Variants in RALGAPA1 observed in about 807,000 individuals in gnomAD.
RALGAPA1 encodes the protein Ral GTPase activating protein catalytic subunit alpha 1, also known as ral GTPase-activating protein subunit alpha-1.
Under a neutral mutation model 269.6 loss-of-function variants are expected in RALGAPA1, and 52 were observed. The observed-to-expected ratio is 0.19, with a 90% CI of 0.15 to 0.24. The LOEUF is 0.24. Among genes scored for constraint, RALGAPA1 ranks in the 10% least tolerant of loss-of-function variants. RALGAPA1 has a pLI of 1.00. For missense variants in RALGAPA1, 1,917 were observed against 3,013.9 expected (o/e 0.64, Z 8.52); for synonymous variants, 817 against 1,008.3 (o/e 0.81, Z 3.60).
At chr14:35,705,526 T>A (rs1208529550) in intron 16 of RALGAPA1, among the ~76,000 whole-genome samples, 1 of 152,228 alleles carries the variant, frequency 6.6e-6, no homozygotes, top group Non-Finnish European at 1.5e-5. Context: ...CATTTCTTTT[T>A]ATCATGGAAT....
chr14:35,597,230 C>T (rs2058980307), intron 36 of RALGAPA1, among the ~76,000 whole-genome samples: 1 of 152,218 alleles, frequency 6.6e-6, no homozygotes. Context: ...TCAAAACACA[C>T]TACCAAGTTG....
chr14:35,604,649 A>C (rs974765489), intron 36 of RALGAPA1, among the ~76,000 whole-genome samples: 3 of 151,952 alleles, frequency 2.0e-5, no homozygotes, highest in Non-Finnish European at 4.4e-5. Context: ...AAAACTATTA[A>C]ATTGAAAACT....
At chr14:35,667,268 C>G (rs578124621) in intron 26 of RALGAPA1, among the ~76,000 whole-genome samples, 1 of 151,914 alleles carries the variant, frequency 6.6e-6, no homozygotes, top group Admixed American at 6.6e-5. Context: ...GGCATGGTGG[C>G]GCACCTGTAG....
intron 31 of RALGAPA1, among the ~76,000 whole-genome samples, chr14:35,645,031 A>C (rs890823034): frequency 1.9e-4 from 29 of 152,198 alleles, no homozygotes; most frequent in Admixed American, 1.3e-3. Context: ...TGGGTGGCTT[A>C]AACAAGAGAA....
intron 1 of RALGAPA1, among the ~76,000 whole-genome samples, chr14:35,779,197 C>T (rs547993430): frequency 1.3e-5 from 2 of 152,154 alleles, no homozygotes; most frequent in East Asian, 3.9e-4. Flanking sequence ...TCTAGTTTTC[C>T]CACAGAGTAG....
At position 35,633,669 on chromosome 14, in the gene RALGAPA1, A is replaced by G. The variant is rs555577501; in HGVS notation, c.5995+905T>C. On this transcript the variant is annotated intron_variant, in intron 33 of 41. Transcript: ENST00000680220. The stretch of plus-strand genomic sequence containing the variant: ...AAAACAGGCGGTAGCAATGGGCCAT[A>G]ATTTACCAACTCCTATAAAATACTA... Among the ~76,000 whole-genome samples the G allele has an allele frequency of 5.9e-5, 9 of 152,294 alleles. No individual in the cohort carries two copies. In the South Asian group the frequency reaches 1.7e-3, roughly 28 times the overall value.
intron 28 of RALGAPA1, among the ~76,000 whole-genome samples, chr14:35,657,377 A>G (rs2063248473): frequency 6.6e-6 from 1 of 151,396 alleles, no homozygotes; most frequent in South Asian, 2.1e-4. Flanking sequence ...TTTAGTAGAG[A>G]CGTGGTTTCA....
At position 35,566,817 on chromosome 14, in the gene RALGAPA1, C is replaced by A. The variant is rs1318280195; in HGVS notation, c.7496+3800G>T. Among the ~76,000 whole-genome samples, 4 of 149,764 alleles carry A rather than the reference C, an allele frequency of 2.7e-5. No homozygotes were observed. In the East Asian group the frequency reaches 5.8e-4, roughly 22 times the overall value. On this transcript the variant is annotated intron_variant, in intron 39 of 41. Coordinates refer to ENST00000680220, the MANE Select transcript of RALGAPA1 (RefSeq NM_001346249.2). Reference sequence around the variant, plus strand: ...GTTCATTTGAAAATCAAGTAATCCACCTGTATGAAGTCATTTCCCCCCAAC... The same window carrying A: ...GTTCATTTGAAAATCAAGTAATCCAACTGTATGAAGTCATTTCCCCCCAAC...
Position 35,629,720 on chromosome 14 carries a change from T to G in RALGAPA1, c.5996-1769A>C, listed in dbSNP as rs187461383. Among the ~76,000 whole-genome samples, 423 of 152,234 alleles carry G rather than the reference T, an allele frequency of 2.8e-3. 8 individuals are homozygous for G. The highest frequency in any genetic ancestry group is 0.025 in the Admixed American group (389 of 15,282). On this transcript the variant is annotated intron_variant, in intron 33 of 41. Coordinates refer to ENST00000680220, the MANE Select transcript of RALGAPA1 (RefSeq NM_001346249.2). ...TTCACCATATTGGCCAGGCTGGTCT[T>G]GAACTCTTGACCTTGTGATCCACCC...
intron 41 of RALGAPA1, among the ~76,000 whole-genome samples, chr14:35,546,642 T>C (rs938840509): frequency 6.6e-6 from 1 of 152,104 alleles, no homozygotes; most frequent in Non-Finnish European, 1.5e-5. Flanking sequence ...ATATCTAAAG[T>C]TGATTTTTCA....
At chr14:35,683,693 G>A (rs1199118752) in intron 21 of RALGAPA1, 116 bp downstream of exon 21, 1 of 796,306 alleles carries the variant, frequency 1.3e-6, no homozygotes, top group African/African-American at 1.7e-5. Flanking sequence ...AAAGATGAAT[G>A]AAAAAATATA....
intron 28 of RALGAPA1, 141 bp from the exon 29 acceptor site, chr14:35,656,056 C>A: frequency 1.4e-6 from 2 of 1,433,106 alleles, no homozygotes; most frequent in Non-Finnish European, 1.9e-6. Flanking sequence ...AACTGGTAAC[C>A]AAAGAAGAGA....
intron 36 of RALGAPA1, among the ~76,000 whole-genome samples, 161 bp from the exon 37 acceptor site, chr14:35,595,950 CT>C (rs572490054): frequency 6.6e-6 from 1 of 152,002 alleles, no homozygotes; most frequent in Non-Finnish European, 1.5e-5. Context: ...TTTGTTTGTA[CT>C]GGTACTTTTT....
At chr14:35,807,792 C>T (rs913090111) in intron 1 of RALGAPA1, 3 of 152,176 alleles carry the variant, frequency 2.0e-5, no homozygotes, top group African/African-American at 7.2e-5. Flanking sequence ...ATAAACATCA[C>T]TTTCCAAAAC....
chr14:35,547,908 TAC>T (rs1377193559), intron 41 of RALGAPA1, among the ~76,000 whole-genome samples: 44 of 152,256 alleles, frequency 2.9e-4, no homozygotes, highest in African/African-American at 9.4e-4. Flanking sequence ...AATTGAGAAT[TAC>T]AGTAACTTTT....
chr14:35,794,453 T>G (rs577050506), intron 1 of RALGAPA1, among the ~76,000 whole-genome samples: 2 of 152,234 alleles, frequency 1.3e-5, no homozygotes, highest in East Asian at 3.9e-4. Context: ...TTTTTTTTGT[T>G]TTCTTTTTGT....
intron 1 of RALGAPA1, among the ~76,000 whole-genome samples, chr14:35,800,568 G>C (rs1455623952): frequency 1.3e-5 from 2 of 152,174 alleles, no homozygotes; most frequent in Non-Finnish European, 2.9e-5. Context: ...AATATTCTAA[G>C]TTGTGAGATG....
chr14:35,719,670 A>C (rs2069188234), intron 16 of RALGAPA1, among the ~76,000 whole-genome samples: 1 of 152,180 alleles, frequency 6.6e-6, no homozygotes, highest in African/African-American at 2.4e-5. Context: ...TTACTTCTAT[A>C]ATCAGAAAAA....
chr14:35,612,828 G>T (rs919690814), intron 35 of RALGAPA1, among the ~76,000 whole-genome samples: 2 of 151,724 alleles, frequency 1.3e-5, no homozygotes, highest in Admixed American at 6.5e-5. Context: ...GTGAGCCACC[G>T]TGCCCGGCCT....
Sources: gnomAD v4.1 joint callset for allele counts (sites outside exome capture counted in the v4.1 genomes callset) on GRCh38, gnomAD v4.1.1 for gene constraint, MANE v1.5 for transcripts, NCBI Gene and HGNC (gene_info 2026-07-23, HGNC 2026-07-21) for gene names.